TACC3: variants seen among roughly 807,000 people sequenced by gnomAD.
TACC3 encodes the protein transforming acidic coiled-coil containing protein 3, also known as transforming acidic coiled-coil-containing protein 3.
TACC3 carries 52 observed loss-of-function variants against 86.0 expected under a neutral mutation model. The observed-to-expected ratio is 0.60, with a 90% CI of 0.48 to 0.76. The LOEUF (loss-of-function observed/expected upper bound fraction) is 0.76, where lower values mean the gene tolerates loss of function less well. Ranked by LOEUF, TACC3 falls within the 30% of genes least tolerant of loss-of-function variation. The pLI, the probability that TACC3 is intolerant of heterozygous loss-of-function variation, is 0.00. For synonymous variants in TACC3, 512 were observed against 430.0 expected (o/e 1.19, Z -2.36); for missense variants, 1,120 against 1,070.4 (o/e 1.05, Z -0.65).
upstream of TACC3, chr4:1,720,785 C>G (rs768681208): frequency 6.3e-7 from 1 of 1,595,306 alleles, no homozygotes; most frequent in Non-Finnish European, 8.5e-7. This position sits in a 1 kb window ranked among gnomAD's most constrained non-coding sequence, Gnocchi z 4.4. Flanking sequence ...GAACACGAAG[C>G]ACACGGCGAA....
chr4:1,730,092 G>T (rs979515198), intron 4 of TACC3, among the ~76,000 whole-genome samples: 3 of 152,216 alleles, frequency 2.0e-5, no homozygotes, highest in Non-Finnish European at 4.4e-5. Context: ...AGGCTGGAGC[G>T]CAGTGGCGTG....
chr4:1,743,710 A>G (rs1027723696), intron 13 of TACC3, among the ~76,000 whole-genome samples: 1 of 152,020 alleles, frequency 6.6e-6, no homozygotes, highest in African/African-American at 2.4e-5. Context: ...CCAGAGGGAG[A>G]GACGCCGCTG....
At chr4:1,733,957 A>G (rs1407691721) in intron 6 of TACC3, among the ~76,000 whole-genome samples, 3 of 150,384 alleles carry the variant, frequency 2.0e-5, no homozygotes, top group Non-Finnish European at 4.4e-5. Flanking sequence ...CACCTGAGCA[A>G]CAGAGCAAGA....
Position 1,735,739 on chromosome 4 carries a change from G to T in TACC3, c.1653G>T (p.Glu551Asp), listed in dbSNP as rs1448618104. The change falls in exon 8 of 16, where the codon GAG becomes GAT. Residue 551 changes from glutamate (E) to aspartate (D), a missense_variant. Glu to Asp is a conservative substitution (Grantham distance 45). Coordinates refer to ENST00000313288, the MANE Select transcript of TACC3 (RefSeq NM_006342.3). This position sits in a 1 kb window ranked among gnomAD's most constrained non-coding sequence, Gnocchi z 4.2. ...TGCCCTCTTGTCCCCAGTTTAAGGA[G>T]TCGGCCTTGAGGAAGCAGTCCTTAT... ...LEQFGTSSFK[E>D]SALRKQSLYL... is the part of the protein sequence containing the mutation. 6.2e-7 allele frequency: 1 copy of T among 1,612,892 alleles called. No homozygotes were observed. Among genetic ancestry groups the T allele is most frequent in the Non-Finnish European group, 8.5e-7 (1 of 1,179,518 alleles).
At chr4:1,738,566 A>G (rs2108711708) in intron 10 of TACC3, among the ~76,000 whole-genome samples, 1 of 152,366 alleles carries the variant, frequency 6.6e-6, no homozygotes, top group African/African-American at 2.4e-5. Context: ...CTCTGGTGCC[A>G]CAAAGAAATA....
At chr4:1,722,516 C>T (rs1361188730) in intron 1 of TACC3, among the ~76,000 whole-genome samples, 1 of 152,180 alleles carries the variant, frequency 6.6e-6, no homozygotes, top group Non-Finnish European at 1.5e-5. Flanking sequence ...ACACACAGCA[C>T]CACAGTGGGC....
chr4:1,735,938 GA>G lies in TACC3; in HGVS notation c.1748+105del, dbSNP rs1718241909. ...CACAGAGGCTTCTAGACCGGGGGGA[GA>G]TGATCAGAACTGGAAAGGAGCTGTG... On this transcript the variant is annotated intron_variant, in intron 8 of 15. Transcript: ENST00000313288. This position sits in a 1 kb window ranked among gnomAD's most constrained non-coding sequence, Gnocchi z 4.2. 1 of 830,778 alleles carries G rather than the reference GA, an allele frequency of 1.2e-6. No individual in the cohort carries two copies. The highest frequency in any genetic ancestry group is 1.6e-5 in the South Asian group (1 of 60,758). 51.5% of individuals were successfully genotyped at this position (830,778 alleles called of 1,614,324 possible). A position where few individuals can be genotyped will look rare whatever the true frequency, so the allele number is the denominator to read the frequency against.
In TACC3 at chr4:1,723,804, C is replaced by A. The variant is rs758404973; in HGVS notation, c.239C>A (p.Ala80Asp). The A allele has an allele frequency of 6.2e-7, 1 of 1,613,780 alleles. No individual in the cohort carries two copies. The highest frequency in any genetic ancestry group is 2.2e-5 in the East Asian group (1 of 44,892). ...CCTAGCATGGCCAGCAAACTTGAGG[C>A]TCCTTTCACTCAGGATGACACCCTT... ...LSPSMASKLEAPFTQDDTLGL... is the reference protein window; with the variant it reads ...LSPSMASKLEDPFTQDDTLGL... The change falls in exon 3 of 16, where the codon GCT becomes GAT. Residue 80 changes from alanine to aspartate, a missense_variant. Coordinates refer to ENST00000313288, the MANE Select transcript of TACC3 (RefSeq NM_006342.3).
Position 1,728,119 on chromosome 4 carries a change from TG to T in TACC3, c.721del (p.Val241SerfsTer74). ...GAGCCGAGGAGGAATGCCGGCACGG[TG>T]GGGTCTGTGCTCCCGCAGCAGTGGC... Reference protein sequence around the residue: ...HGAEEECRHGGVCAPAAVATS... With the variant: ...HGAEEECRHGXVCAPAAVATS... On this transcript the variant is annotated frameshift_variant, in exon 4 of 16. Coordinates refer to ENST00000313288, the MANE Select transcript of TACC3 (RefSeq NM_006342.3). LOFTEE classifies it high-confidence loss of function. The T allele has an allele frequency of 6.2e-7, 1 of 1,612,304 alleles. No homozygotes were observed. Among genetic ancestry groups the T allele is most frequent in the Non-Finnish European group, 8.5e-7 (1 of 1,179,740 alleles).
rs1210852757 is a variant in TACC3 at position 1,732,658 on chromosome 4, G to C, written c.1591+1357G>C. On this transcript the variant is annotated intron_variant, in intron 6 of 15. Transcript: ENST00000313288. ...TAGTTGTGGGCCGCCACCATGTGGG[G>C]ATATCAGCTCAGCTGGGATGGGCCT... 2.6e-5 allele frequency among the ~76,000 whole-genome samples: 4 copies of C among 152,234 alleles called. No individual in the cohort carries two copies. In the East Asian group the frequency reaches 5.8e-4, roughly 22 times the overall value.
chr4:1,723,687 T>C, intron 2 of TACC3, 41 bp from the exon 3 acceptor site: 1 of 1,613,236 alleles, frequency 6.2e-7, no homozygotes, highest in South Asian at 1.1e-5. Context: ...TGTAACAGCT[T>C]GAACTAATGA....
At chr4:1,734,172 G>A (rs1718142009) in intron 6 of TACC3, among the ~76,000 whole-genome samples, 1 of 152,128 alleles carries the variant, frequency 6.6e-6, no homozygotes. Context: ...TCAAGACCCT[G>A]TCTTAAAGTA....
chr4:1,722,118 G>T (rs969245627), intron 1 of TACC3, among the ~76,000 whole-genome samples: 22 of 152,004 alleles, frequency 1.4e-4, no homozygotes, highest in African/African-American at 4.8e-4. Flanking sequence ...CCTTCCCCCC[G>T]CACCGCATCC....
Position 1,741,010 on chromosome 4 carries a change from C to T in TACC3, c.2223+24C>T, listed in dbSNP as rs370677491. ...AGGTATGTCTCCGCCACCCTGGTGT[C>T]CTCACCTCGGAGGCTGATGGACTCA... On this transcript the variant is annotated intron_variant, in intron 13 of 15. Coordinates refer to ENST00000313288, the MANE Select transcript of TACC3 (RefSeq NM_006342.3). 2.4e-4 allele frequency: 384 copies of T among 1,585,676 alleles called. 1 individual carries two copies. The highest frequency in any genetic ancestry group is 3.1e-4 in the Non-Finnish European group (361 of 1,168,352).
At chr4:1,723,647 C>T in intron 2 of TACC3, 64 bp downstream of exon 2, 15 of 1,610,386 alleles carry the variant, frequency 9.3e-6, no homozygotes, top group Non-Finnish European at 1.2e-5. Flanking sequence ...TCTTGGTGAC[C>T]TCTGAGCTGC....
rs1021805662 is a variant in TACC3 at position 1,728,307 on chromosome 4, C to T, written c.905C>T (p.Thr302Ile). The change falls in exon 4 of 16, where the codon ACA becomes ATA. Residue 302 changes from threonine to isoleucine, a missense_variant. Coordinates refer to ENST00000313288, the MANE Select transcript of TACC3 (RefSeq NM_006342.3). ...GCACACACCTCTGCTCCTGAGAGCA[C>T]AGCCCCAACCAACCACCTGGTGGCT... ...TCAHTSAPES[T>I]APTNHLVAGR... is the part of the protein sequence containing the mutation. The T allele has an allele frequency of 6.2e-7, 1 of 1,612,920 alleles. No individual in the cohort carries two copies.
intron 2 of TACC3, 24 bp from the exon 3 acceptor site, chr4:1,723,704 G>A (rs779163019): frequency 1.2e-6 from 2 of 1,613,436 alleles, no homozygotes; most frequent in Non-Finnish European, 8.5e-7. Flanking sequence ...ATGAATAGGT[G>A]CTCTCCTCCT....
chr4:1,740,787 T>G (rs1313852809), intron 12 of TACC3, 39 bp from the exon 13 acceptor site: 3 of 1,579,682 alleles, frequency 1.9e-6, no homozygotes, highest in Non-Finnish European at 2.6e-6. Flanking sequence ...TCGTTTCGGT[T>G]GCCTCCTCAT....
intron 14 of TACC3, 32 bp downstream of exon 14, chr4:1,744,656 G>C: frequency 5.0e-6 from 8 of 1,612,356 alleles, no homozygotes; most frequent in Non-Finnish European, 6.8e-6. Flanking sequence ...ACCCTGGAGG[G>C]AGAATCTGAG....
Sources: allele counts gnomAD v4.1 joint callset (sites outside exome capture counted in the v4.1 genomes callset), GRCh38; gene constraint gnomAD v4.1.1; non-coding constraint Gnocchi (gnomAD v3.1); transcripts MANE v1.5; gene names NCBI Gene and HGNC (gene_info 2026-07-23, HGNC 2026-07-21).